GNAO1: variants seen among roughly 807,000 people sequenced by gnomAD.
The protein encoded by GNAO1 is guanine nucleotide-binding protein G(o) subunit alpha.
For synonymous variants in GNAO1, 164 were observed against 180.7 expected (o/e 0.91, Z 0.74); for missense variants, 166 against 478.7 (o/e 0.35, Z 6.10).
chr16:56,217,543 C>G (rs1262318388), intron 2 of GNAO1, among the ~76,000 whole-genome samples: 1 of 152,118 alleles, frequency 6.6e-6, no homozygotes, highest in East Asian at 1.9e-4. Flanking sequence ...CTTTCTCCAT[C>G]TAGTGAATAA....
intron 6 of GNAO1, chr16:56,341,131 T>A (rs2037798926): frequency 1.4e-6 from 1 of 706,528 alleles, no homozygotes; most frequent in Admixed American, 2.3e-5. Flanking sequence ...GCCCCCAGAT[T>A]GTGCTCTAGA....
At chr16:56,238,350 T>C (rs1035943925) in intron 2 of GNAO1, among the ~76,000 whole-genome samples, 2 of 152,200 alleles carry the variant, frequency 1.3e-5, no homozygotes, top group South Asian at 2.1e-4. Flanking sequence ...ACAGCTATCC[T>C]TGATTGCAGT....
intron 2 of GNAO1, among the ~76,000 whole-genome samples, chr16:56,224,956 T>G (rs1347343680): frequency 6.6e-6 from 1 of 152,234 alleles, no homozygotes; most frequent in African/African-American, 2.4e-5. Context: ...AGAGCTGTGC[T>G]GTCATTCCAA....
chr16:56,224,645 A>C (rs1328284697), intron 2 of GNAO1, among the ~76,000 whole-genome samples: 4 of 151,972 alleles, frequency 2.6e-5, no homozygotes, highest in African/African-American at 9.7e-5. Flanking sequence ...ACGTCTGGCT[A>C]ATTTTTTGTA....
chr16:56,267,726 T>C (rs1030035997), intron 2 of GNAO1, among the ~76,000 whole-genome samples: 14 of 152,212 alleles, frequency 9.2e-5, no homozygotes, highest in Admixed American at 5.2e-4. Context: ...TTCTTTCATA[T>C]TGTTCTTCCC....
chr16:56,220,083 T>C (rs1172803495), intron 2 of GNAO1, among the ~76,000 whole-genome samples: 1 of 152,188 alleles, frequency 6.6e-6, no homozygotes, highest in Non-Finnish European at 1.5e-5. Context: ...TCCATACCTA[T>C]TATTTTTGTA....
intron 6 of GNAO1, chr16:56,344,945 C>CGAGTTTGTTCA: frequency 1.0e-6 from 1 of 985,400 alleles, no homozygotes; most frequent in South Asian, 4.7e-5. Context: ...AAGAAATCAG[C>CGAGTTTGTTCA]GAGTTTGTTC....
chr16:56,235,739 G>A (rs555643792), intron 2 of GNAO1, among the ~76,000 whole-genome samples: 1 of 152,308 alleles, frequency 6.6e-6, no homozygotes, highest in East Asian at 1.9e-4. Context: ...GCCCTGCCTG[G>A]GAGCTAAGAG....
At chr16:56,256,718 CTGTG>C (rs199786327) in intron 2 of GNAO1, among the ~76,000 whole-genome samples, 4,195 of 71,918 alleles carry the variant, frequency 0.058, 74 homozygotes, top group Middle Eastern at 0.1. Context: ...CTCTCTCTCT[CTGTG>C]TGTGTGTGTG....
chr16:56,334,269 T>C (rs1015969718), intron 4 of GNAO1, among the ~76,000 whole-genome samples: 11 of 152,198 alleles, frequency 7.2e-5, no homozygotes, highest in Admixed American at 2.0e-4. Flanking sequence ...TTATGGCCTC[T>C]GGAGCCAAGG....
chr16:56,251,806 C>T (rs2036802111), intron 2 of GNAO1, among the ~76,000 whole-genome samples: 1 of 152,184 alleles, frequency 6.6e-6, no homozygotes, highest in Admixed American at 6.5e-5. Flanking sequence ...CTGCCTGTCT[C>T]CCTCTCACTC....
chr16:56,230,523 G>A (rs1596810342), intron 2 of GNAO1, among the ~76,000 whole-genome samples: 1 of 152,304 alleles, frequency 6.6e-6, no homozygotes, highest in Middle Eastern at 3.4e-3. Flanking sequence ...CAGAGAGTAT[G>A]AAATATCCCT....
chr16:56,258,923 A>G (rs2036878165), intron 2 of GNAO1, among the ~76,000 whole-genome samples: 1 of 152,210 alleles, frequency 6.6e-6, no homozygotes, highest in Non-Finnish European at 1.5e-5. Flanking sequence ...ATTGCTTCTC[A>G]TTTTGACACA....
At chr16:56,262,984 G>T (rs533647775) in intron 2 of GNAO1, among the ~76,000 whole-genome samples, 1 of 152,330 alleles carries the variant, frequency 6.6e-6, no homozygotes, top group Admixed American at 6.5e-5. Context: ...CTGGAAATAA[G>T]CCTACAGAGG....
In GNAO1 at chr16:56,253,661, A is replaced by C. The variant is rs138603296; in HGVS notation, c.162-22270A>C. On this transcript the variant is annotated intron_variant, in intron 2 of 8. Transcript: ENST00000262493. ...GCCTCCATGCTGAGCCCTGTTACCT[A>C]CTGGGTCCCTCTCAAGTTCAGTCCC... 2.5e-4 allele frequency among the ~76,000 whole-genome samples: 38 copies of C among 152,250 alleles called. No individual in the cohort carries two copies. In the East Asian group the frequency reaches 7.3e-3, roughly 29 times the overall value.
At chr16:56,256,758 G>GTGTT (rs2036854297) in intron 2 of GNAO1, among the ~76,000 whole-genome samples, 1 of 142,324 alleles carries the variant, frequency 7.0e-6, no homozygotes, top group Admixed American at 7.0e-5. Flanking sequence ...GTGTGTGTGT[G>GTGTT]TTTGTCTTTT....
At chr16:56,216,692 C>G (rs1450467324) in intron 2 of GNAO1, among the ~76,000 whole-genome samples, 1 of 152,186 alleles carries the variant, frequency 6.6e-6, no homozygotes, top group Non-Finnish European at 1.5e-5. Flanking sequence ...AAAATATAAG[C>G]TGTCAACAAA....
At chr16:56,281,369 C>G (rs1451647322) in intron 3 of GNAO1, among the ~76,000 whole-genome samples, 1 of 152,152 alleles carries the variant, frequency 6.6e-6, no homozygotes. Context: ...TCCCACCCCA[C>G]TCCCTTGAGC....
intron 2 of GNAO1, among the ~76,000 whole-genome samples, chr16:56,273,799 G>A (rs2037038297): frequency 6.6e-6 from 1 of 152,206 alleles, no homozygotes; most frequent in Non-Finnish European, 1.5e-5. Context: ...CGTCTCTGCT[G>A]AGTGCCCCAG....
Sources: allele counts gnomAD v4.1 joint callset (sites outside exome capture counted in the v4.1 genomes callset), GRCh38; gene constraint gnomAD v4.1.1; transcripts MANE v1.5; gene names NCBI Gene and HGNC (gene_info 2026-07-23, HGNC 2026-07-21).